The following MYOM1 variants were observed in gnomAD, a reference collection of about 807,000 sequenced individuals.
The protein encoded by MYOM1 is myomesin-1.
A neutral mutation model predicts 205.3 loss-of-function variants in MYOM1; 164 were observed. That is an observed-to-expected ratio of 0.80 (90% CI 0.70 to 0.91). The LOEUF is 0.91. Among genes scored for constraint, MYOM1 ranks in the 40% least tolerant of loss-of-function variants. The pLI, the probability that MYOM1 is intolerant of heterozygous loss-of-function variation, is 0.00. For missense variants in MYOM1, 2,011 were observed against 2,127.3 expected, an observed-to-expected ratio of 0.95 and a Z score of 1.08; for synonymous variants, 772 against 789.4, an observed-to-expected ratio of 0.98 and a Z score of 0.37.
intron 10 of MYOM1, among the ~76,000 whole-genome samples, chr18:3,159,886 C>CTTCT (rs2080356630): frequency 8.5e-5 from 3 of 35,234 alleles, no homozygotes; most frequent in Admixed American, 2.5e-4. Context: ...TCCTTCCTTC[C>CTTCT]TTCCTTCCTT....
At chr18:3,201,555 T>C (rs1221428280) in intron 2 of MYOM1, among the ~76,000 whole-genome samples, 2 of 152,072 alleles carry the variant, frequency 1.3e-5, no homozygotes. Flanking sequence ...CATATATGTA[T>C]ATAAGTTTAT....
intron 37 of MYOM1, among the ~76,000 whole-genome samples, chr18:3,069,962 T>C (rs2078941230): frequency 6.6e-6 from 1 of 152,176 alleles, no homozygotes; most frequent in South Asian, 2.1e-4. Context: ...GATCATATTT[T>C]CCAACCATGA....
At chr18:3,100,037 G>GT in intron 25 of MYOM1, 122 bp downstream of exon 25, 2 of 1,004,262 alleles carry the variant, frequency 2.0e-6, no homozygotes, top group Non-Finnish European at 1.5e-6. Context: ...ACTGATGTGT[G>GT]TTCCATTATA....
At chr18:3,120,755 C>T (rs1346057894) in intron 19 of MYOM1, among the ~76,000 whole-genome samples, 1 of 152,180 alleles carries the variant, frequency 6.6e-6, no homozygotes, top group African/African-American at 2.4e-5. Flanking sequence ...AATCAAAATG[C>T]TCAAGTTCTC....
chr18:3,182,619 T>A (rs1190327261), intron 5 of MYOM1, among the ~76,000 whole-genome samples: 1 of 152,208 alleles, frequency 6.6e-6, no homozygotes, highest in Non-Finnish European at 1.5e-5. Flanking sequence ...TTTGTCCCTT[T>A]GACAAGGCTC....
chr18:3,148,040 A>G (rs966209599), intron 13 of MYOM1, among the ~76,000 whole-genome samples: 7 of 152,208 alleles, frequency 4.6e-5, no homozygotes, highest in African/African-American at 1.4e-4. Flanking sequence ...AAATACCACT[A>G]TGAACCCACT....
chr18:3,135,076 G>A lies in MYOM1; in HGVS notation c.2210-252C>T. On this transcript the variant is annotated intron_variant, in intron 15 of 37. Coordinates refer to ENST00000356443, the MANE Select transcript of MYOM1 (RefSeq NM_003803.4). The surrounding 1 kb of genome is among the most constrained non-coding windows in gnomAD (Gnocchi z 4.1). ...CAATTTTCCCACCTCAGCCTCCTGA[G>A]TAGCTGGAATTACCAGGCATGTGCC... The A allele has an allele frequency of 4.7e-6, 2 of 421,656 alleles. No individual in the cohort carries two copies. Among genetic ancestry groups the A allele is most frequent in the South Asian group, 5.1e-5 (2 of 39,188 alleles). The allele number at this position is 421,656 out of a possible 1,614,324, so 26.1% of individuals were successfully genotyped here.
At chr18:3,171,561 TCA>T (rs1484149909) in intron 8 of MYOM1, among the ~76,000 whole-genome samples, 6 of 152,106 alleles carry the variant, frequency 3.9e-5, no homozygotes, top group Admixed American at 6.6e-5. Flanking sequence ...TGTCACGTCC[TCA>T]ATCTTTTATC....
chr18:3,123,210 A>C (rs1465810223), intron 19 of MYOM1, among the ~76,000 whole-genome samples: 1 of 152,212 alleles, frequency 6.6e-6, no homozygotes, highest in East Asian at 1.9e-4. Flanking sequence ...TAAAATTTGG[A>C]AATGAAGTAA....
chr18:3,164,778 G>A lies in MYOM1; in HGVS notation c.1340-339C>T, dbSNP rs141364483. ...TTTATTACTTATAGTAATGTAATAG[G>A]GGTAATACAAGTTGCAAAAAATCGT... On this transcript the variant is annotated intron_variant, in intron 9 of 37. Coordinates refer to ENST00000356443, the MANE Select transcript of MYOM1 (RefSeq NM_003803.4). 5.4e-3 allele frequency among the ~76,000 whole-genome samples: 828 copies of A among 152,184 alleles called. 4 individuals carry two copies. Among genetic ancestry groups the A allele is most frequent in the African/African-American group, 0.019 (795 of 41,488 alleles).
At chr18:3,099,572 C>T (rs924947348) in intron 25 of MYOM1, among the ~76,000 whole-genome samples, 1 of 152,160 alleles carries the variant, frequency 6.6e-6, no homozygotes, top group Admixed American at 6.5e-5. Flanking sequence ...TTCCAAGGGT[C>T]ATTTCTGACT....
the MYOM1 span, among the ~76,000 whole-genome samples, chr18:3,245,635 T>C: frequency 1.3e-5 from 2 of 152,194 alleles, no homozygotes; most frequent in African/African-American, 4.8e-5. Flanking sequence ...AATAAATGAA[T>C]GAATGAACAC....
At chr18:3,206,716 G>C (rs1451406007) in intron 2 of MYOM1, among the ~76,000 whole-genome samples, 2 of 152,062 alleles carry the variant, frequency 1.3e-5, no homozygotes. Flanking sequence ...TCCCAATCTT[G>C]ACACACATGG....
chr18:3,110,031 T>A (rs1455634684), intron 22 of MYOM1, among the ~76,000 whole-genome samples: 3 of 152,104 alleles, frequency 2.0e-5, no homozygotes, highest in African/African-American at 4.8e-5. Flanking sequence ...CACTTTTCTT[T>A]CTCTTCCCCA....
At chr18:3,159,322 G>A (rs1242482413) in intron 10 of MYOM1, among the ~76,000 whole-genome samples, 2 of 152,088 alleles carry the variant, frequency 1.3e-5, no homozygotes, top group African/African-American at 2.4e-5. Context: ...TACACTGATC[G>A]TTCTGGTGTG....
intron 2 of MYOM1, among the ~76,000 whole-genome samples, chr18:3,203,979 C>T (rs1030419802): frequency 1.3e-5 from 2 of 151,794 alleles, no homozygotes; most frequent in African/African-American, 4.8e-5. Flanking sequence ...GTGTAATATA[C>T]CATATTAATA....
chr18:3,125,715 T>C (rs756130788), intron 19 of MYOM1, among the ~76,000 whole-genome samples: 41 of 152,304 alleles, frequency 2.7e-4, no homozygotes, highest in Admixed American at 5.9e-4. Flanking sequence ...TGGCAGAGGA[T>C]TCTGTGAGTG....
intron 5 of MYOM1, among the ~76,000 whole-genome samples, chr18:3,177,764 T>G (rs2080669516): frequency 6.6e-6 from 1 of 152,230 alleles, no homozygotes; most frequent in Admixed American, 6.5e-5. Context: ...TGAGCCACTA[T>G]GCTCGGCCTG....
chr18:3,221,332 T>C (rs1303363966), upstream of MYOM1, among the ~76,000 whole-genome samples: 1 of 152,200 alleles, frequency 6.6e-6, no homozygotes, highest in African/African-American at 2.4e-5. Flanking sequence ...TATCAAGATA[T>C]TGAACAGACT....
Sources: gnomAD v4.1 joint callset for allele counts (sites outside exome capture counted in the v4.1 genomes callset) on GRCh38, gnomAD v4.1.1 for gene constraint, Gnocchi (gnomAD v3.1) non-coding constraint, MANE v1.5 for transcripts, NCBI Gene and HGNC (gene_info 2026-07-23, HGNC 2026-07-21) for gene names.